Variants in RAB5A observed in about 807,000 individuals in gnomAD.
RAB5A encodes the protein RAB5A, member RAS oncogene family, also known as ras-related protein Rab-5A.
RAB5A carries 8 observed loss-of-function variants against 25.7 expected under a neutral mutation model. That is an observed-to-expected ratio of 0.31 (90% CI 0.18 to 0.56). RAB5A has a LOEUF of 0.56. RAB5A is among the 20% of genes least tolerant of loss of function. The pLI is 0.91. For synonymous variants in RAB5A, 98 were observed against 89.8 expected (o/e 1.09, Z -0.52); for missense variants, 192 against 259.7 (o/e 0.74, Z 1.79).
In RAB5A at chr3:19,950,133, C is replaced by G. The variant is rs112956814; in HGVS notation, c.-93-673C>G. On this transcript the variant is annotated intron_variant, in intron 1 of 5. Transcript: ENST00000273047. ...AAGTAAATAAGTCAGTAATAATCAC[C>G]ACATGGAGAACAACTGTTAGCATTT... Among the ~76,000 whole-genome samples, 957 of 152,196 alleles carry G rather than the reference C, an allele frequency of 6.3e-3. 7 individuals carry two copies. The highest frequency in any genetic ancestry group is 0.022 in the African/African-American group (897 of 41,508).
intron 5 of RAB5A, among the ~76,000 whole-genome samples, chr3:19,982,399 T>C (rs1333143442): frequency 6.6e-6 from 1 of 152,200 alleles, no homozygotes; most frequent in Admixed American, 6.5e-5. Context: ...GTATGCTAAG[T>C]TTTGACACAT....
chr3:19,972,007 G>C (rs901754259), intron 2 of RAB5A, among the ~76,000 whole-genome samples: 1 of 152,022 alleles, frequency 6.6e-6, no homozygotes, highest in African/African-American at 2.4e-5. Context: ...TTAAATGTTG[G>C]TACAGAGAGG....
chr3:19,982,779 G>A (rs1696954970), intron 5 of RAB5A, among the ~76,000 whole-genome samples: 1 of 149,440 alleles, frequency 6.7e-6, no homozygotes, highest in Middle Eastern at 3.4e-3. Context: ...AAAAAAAAAA[G>A]AGAGCATGTA....
At chr3:19,948,126 A>G (rs2125175899) in intron 1 of RAB5A, among the ~76,000 whole-genome samples, 1 of 152,314 alleles carries the variant, frequency 6.6e-6, no homozygotes, top group East Asian at 1.9e-4. Flanking sequence ...AATAAATTCA[A>G]GATAACAGGA....
At chr3:19,975,012 G>T (rs1445913837) in intron 2 of RAB5A, among the ~76,000 whole-genome samples, 1 of 152,164 alleles carries the variant, frequency 6.6e-6, no homozygotes, top group Non-Finnish European at 1.5e-5. Context: ...GATCACCTGA[G>T]ATCAGGAGTT....
chr3:19,953,778 A>T (rs1328605602), intron 2 of RAB5A, among the ~76,000 whole-genome samples: 1 of 152,188 alleles, frequency 6.6e-6, no homozygotes. Context: ...TTCAGGAGGT[A>T]TGACAGTACC....
At chr3:19,969,031 G>GTGTTTT (rs1559490064) in intron 2 of RAB5A, among the ~76,000 whole-genome samples, 1 of 99,702 alleles carries the variant, frequency 1.0e-5, no homozygotes, top group Non-Finnish European at 1.9e-5. Context: ...TTTGGTTTTG[G>GTGTTTT]TTTTTTTTTT....
intron 2 of RAB5A, among the ~76,000 whole-genome samples, chr3:19,975,343 A>T (rs985428319): frequency 2.6e-5 from 4 of 152,190 alleles, no homozygotes; most frequent in African/African-American, 7.2e-5. Flanking sequence ...ATATGTAAGC[A>T]TATATGTAAA....
At chr3:19,963,609 T>C (rs1696622413) in intron 2 of RAB5A, among the ~76,000 whole-genome samples, 1 of 152,116 alleles carries the variant, frequency 6.6e-6, no homozygotes, top group Non-Finnish European at 1.5e-5. Flanking sequence ...TTTAGTCTTC[T>C]TTTCTATTAT....
intron 5 of RAB5A, among the ~76,000 whole-genome samples, chr3:19,980,997 A>G (rs984280903): frequency 7.9e-5 from 12 of 152,174 alleles, no homozygotes; most frequent in African/African-American, 2.2e-4. Context: ...AGTGTATTCA[A>G]TTTCTGAGTA....
intron 2 of RAB5A, among the ~76,000 whole-genome samples, chr3:19,952,704 G>A (rs547408383): frequency 6.6e-6 from 1 of 151,728 alleles, no homozygotes; most frequent in Admixed American, 6.6e-5. Flanking sequence ...CAGAAGTCTT[G>A]GCATTTTAAA....
chr3:19,959,592 CTCT>C (rs1696556290), intron 2 of RAB5A, among the ~76,000 whole-genome samples: 1 of 149,298 alleles, frequency 6.7e-6, no homozygotes, highest in African/African-American at 2.5e-5. Context: ...GCTGCATTTA[CTCT>C]TCTTTTGCTA....
Position 19,976,102 on chromosome 3 carries a change from C to G in RAB5A, c.371C>G (p.Pro124Arg), listed in dbSNP as rs1451771428. 4 of 1,613,094 alleles carry G rather than the reference C, an allele frequency of 2.5e-6. No individual in the cohort carries two copies. The highest frequency in any genetic ancestry group is 3.4e-6 in the Non-Finnish European group (4 of 1,179,718). The change falls in exon 4 of 6, where the codon CCT becomes CGT. Residue 124 changes from proline to arginine, a missense_variant. Pro to Arg is a moderately radical substitution (Grantham distance 103). This residue lies in a region of RAB5A where 121 missense variants were observed against 135.7 expected (regional missense o/e 0.89). Transcript: ENST00000273047. ...WVKELQRQAS[P>R]NIVIALSGNK... ...AAAGAACTTCAGAGGCAAGCAAGTC[C>G]TAACATTGTAATAGCTTTATCGGGA...
At chr3:19,979,727 C>T (rs1015578734) in intron 5 of RAB5A, among the ~76,000 whole-genome samples, 7 of 151,792 alleles carry the variant, frequency 4.6e-5, no homozygotes, top group Admixed American at 2.0e-4. Context: ...ACCCTTTCCT[C>T]TTTCCAGTGG....
At chr3:19,968,762 C>G (rs752860683) in intron 2 of RAB5A, among the ~76,000 whole-genome samples, 3 of 152,008 alleles carry the variant, frequency 2.0e-5, no homozygotes, top group Non-Finnish European at 2.9e-5. Flanking sequence ...TGTGCCCGGC[C>G]TTACTTCCAA....
At chr3:19,963,974 A>C (rs758153943) in intron 2 of RAB5A, among the ~76,000 whole-genome samples, 12 of 152,190 alleles carry the variant, frequency 7.9e-5, no homozygotes, top group Non-Finnish European at 1.8e-4. Flanking sequence ...TTAGTATGTA[A>C]GCTTACTGCC....
At chr3:19,969,777 C>G (rs1289579365) in intron 2 of RAB5A, among the ~76,000 whole-genome samples, 1 of 152,140 alleles carries the variant, frequency 6.6e-6, no homozygotes, top group Non-Finnish European at 1.5e-5. Context: ...CATGTAGAAT[C>G]ATTTTAGTTA....
In RAB5A at chr3:19,975,635, C is replaced by T. The variant is rs1238998439; in HGVS notation, c.198C>T (p.Asp66=). Residue 66 remains aspartate (D), a synonymous_variant, in exon 3 of 6, where the codon GAC becomes GAT. Transcript: ENST00000273047. ...TAACCCAAACTGTATGTCTTGATGA[C>T]ACTACAGTAAAGTTTGAAATATGGG... is the stretch of plus-strand genomic sequence containing the variant. ...AFLTQTVCLD[D]TTVKFEIWDT... The T allele has an allele frequency of 1.2e-6, 2 of 1,613,834 alleles. No homozygotes were observed. Among genetic ancestry groups the T allele is most frequent in the East Asian group, 2.2e-5 (1 of 44,838 alleles).
intron 2 of RAB5A, chr3:19,951,322 A>G (rs1007544789): frequency 2.9e-6 from 1 of 339,592 alleles, no homozygotes; most frequent in Non-Finnish European, 5.4e-6. Context: ...CAGTGTCTCA[A>G]GTAATAACAT....
Sources: gnomAD v4.1 joint callset for allele counts (sites outside exome capture counted in the v4.1 genomes callset) on GRCh38, gnomAD v4.1.1 for gene constraint, gnomAD v4.1.1 regional missense constraint, MANE v1.5 for transcripts, NCBI Gene and HGNC (gene_info 2026-07-23, HGNC 2026-07-21) for gene names.